Variants in TMEFF2 observed in about 807,000 individuals in gnomAD.
TMEFF2 encodes the protein transmembrane protein with EGF like and two follistatin like domains 2.
A neutral mutation model predicts 53.8 loss-of-function variants in TMEFF2; 28 were observed. The ratio of observed to expected loss-of-function variants is 0.52; its 90% CI spans 0.39 to 0.71. The LOEUF (loss-of-function observed/expected upper bound fraction) is 0.71. Among genes scored for constraint, TMEFF2 ranks in the 30% least tolerant of loss-of-function variants. The pLI is 0.00. For synonymous variants in TMEFF2, 162 were observed against 166.3 expected, an observed-to-expected ratio of 0.97 and a Z score of 0.20; for missense variants, 353 against 455.2, an observed-to-expected ratio of 0.78 and a Z score of 2.04.
At chr2:191,975,517 T>C (rs1240498629) in intron 7 of TMEFF2, among the ~76,000 whole-genome samples, 2 of 151,732 alleles carry the variant, frequency 1.3e-5, no homozygotes, top group Non-Finnish European at 2.9e-5. Flanking sequence ...TGTATTTCCA[T>C]GTCCCAGGAG....
chr2:192,069,426 T>A (rs1688236116), intron 4 of TMEFF2, among the ~76,000 whole-genome samples: 1 of 151,160 alleles, frequency 6.6e-6, no homozygotes, highest in Non-Finnish European at 1.5e-5. Context: ...AGAAGAAAAA[T>A]GTATCCTCAA....
intron 5 of TMEFF2, among the ~76,000 whole-genome samples, chr2:192,047,877 T>TAC (rs1423940671): frequency 6.6e-6 from 1 of 152,182 alleles, no homozygotes; most frequent in Non-Finnish European, 1.5e-5. Context: ...AGTCAACACA[T>TAC]ACAATATATT....
chr2:191,953,883 ATTTTT>A (rs563154787), intron 8 of TMEFF2, 46 bp from the exon 9 acceptor site: 2,636 of 608,152 alleles, frequency 4.3e-3, no homozygotes, highest in Middle Eastern at 0.01. Flanking sequence ...TGCTGCATTC[ATTTTT>A]TTTTTTTTTT....
chr2:192,190,671 T>C (rs1691440836), intron 2 of TMEFF2, among the ~76,000 whole-genome samples: 1 of 152,146 alleles, frequency 6.6e-6, no homozygotes, highest in East Asian at 1.9e-4. Context: ...TCAGTTGTCT[T>C]ATTATGTTTC....
At chr2:192,134,433 G>A (rs1306623722) in intron 4 of TMEFF2, among the ~76,000 whole-genome samples, 1 of 152,148 alleles carries the variant, frequency 6.6e-6, no homozygotes, top group Non-Finnish European at 1.5e-5. Context: ...CCACACACCA[G>A]CAAAGGCAGG....
intron 4 of TMEFF2, among the ~76,000 whole-genome samples, chr2:192,158,286 G>A (rs1030390045): frequency 1.4e-4 from 22 of 151,974 alleles, no homozygotes; most frequent in Admixed American, 9.2e-4. Flanking sequence ...AAATTTAAAG[G>A]ACAGAACTTA....
At chr2:192,111,454 T>A (rs1689274253) in intron 4 of TMEFF2, among the ~76,000 whole-genome samples, 1 of 152,124 alleles carries the variant, frequency 6.6e-6, no homozygotes, top group South Asian at 2.1e-4. Flanking sequence ...TTGAGGGAGA[T>A]GATTTAGTGT....
At chr2:192,066,679 T>C (rs1688176066) in intron 4 of TMEFF2, among the ~76,000 whole-genome samples, 2 of 151,870 alleles carry the variant, frequency 1.3e-5, no homozygotes, top group African/African-American at 4.8e-5. Flanking sequence ...GAGTTACAAC[T>C]GAAGATACTA....
At chr2:192,005,340 C>T (rs1000779542) in intron 5 of TMEFF2, among the ~76,000 whole-genome samples, 1 of 152,162 alleles carries the variant, frequency 6.6e-6, no homozygotes, top group South Asian at 2.1e-4. Flanking sequence ...CAAGGATGAT[C>T]TGCAATGAGT....
At chr2:192,184,543 G>A (rs1351111362) in intron 2 of TMEFF2, 60 bp from the exon 3 acceptor site, 23 of 1,583,896 alleles carry the variant, frequency 1.5e-5, no homozygotes, top group Middle Eastern at 1.7e-4. Flanking sequence ...CCTCTGACAC[G>A]ATGAACAGAA....
At chr2:192,128,351 GACAA>G (rs906381526) in intron 4 of TMEFF2, among the ~76,000 whole-genome samples, 17 of 152,122 alleles carry the variant, frequency 1.1e-4, no homozygotes, top group African/African-American at 3.4e-4. Context: ...TTAGACTATT[GACAA>G]ACAAAATATT....
At chr2:191,966,019 G>A (rs1202946679) in intron 7 of TMEFF2, among the ~76,000 whole-genome samples, 1 of 151,716 alleles carries the variant, frequency 6.6e-6, no homozygotes, top group Non-Finnish European at 1.5e-5. Flanking sequence ...CGTAGTCTCT[G>A]TACGTAGCAC....
chr2:192,054,187 T>A (rs936446873), intron 5 of TMEFF2, among the ~76,000 whole-genome samples: 1 of 151,426 alleles, frequency 6.6e-6, no homozygotes, highest in Non-Finnish European at 1.5e-5. Context: ...ATACAAGATA[T>A]CATAGCCAAG....
intron 7 of TMEFF2, among the ~76,000 whole-genome samples, chr2:191,978,548 C>A (rs1685783358): frequency 6.6e-6 from 1 of 151,686 alleles, no homozygotes. Context: ...TTTTTCTTCC[C>A]CATTGATACC....
At chr2:192,144,422 C>T (rs548021689) in intron 4 of TMEFF2, among the ~76,000 whole-genome samples, 3 of 152,066 alleles carry the variant, frequency 2.0e-5, no homozygotes, top group Non-Finnish European at 1.5e-5. Context: ...TCATCCCATA[C>T]CCATCTCTAA....
intron 5 of TMEFF2, among the ~76,000 whole-genome samples, chr2:192,049,807 C>G (rs1687719561): frequency 6.6e-6 from 1 of 152,148 alleles, no homozygotes. Context: ...TGAGACCATC[C>G]TGGCTAACAC....
chr2:192,110,989 T>C (rs1689262540), intron 4 of TMEFF2, among the ~76,000 whole-genome samples: 1 of 152,180 alleles, frequency 6.6e-6, no homozygotes, highest in Non-Finnish European at 1.5e-5. Context: ...GACATGCCTT[T>C]TGCCATGATT....
At chr2:191,965,990 GAAA>G (rs11347194) in intron 7 of TMEFF2, among the ~76,000 whole-genome samples, 3,459 of 141,308 alleles carry the variant, frequency 0.024, 148 homozygotes, top group African/African-American at 0.088. Flanking sequence ...TTTGATTTAA[GAAA>G]AAAAAAAAAA....
chr2:192,124,022 A>G (rs1007817013), intron 4 of TMEFF2, among the ~76,000 whole-genome samples: 5 of 152,224 alleles, frequency 3.3e-5, no homozygotes, highest in African/African-American at 1.2e-4. Flanking sequence ...GTGCAAAACT[A>G]CTGCAAATTG....
Sources: gnomAD v4.1 joint callset for allele counts (sites outside exome capture counted in the v4.1 genomes callset) on GRCh38, gnomAD v4.1.1 for gene constraint, MANE v1.5 for transcripts, NCBI Gene and HGNC (gene_info 2026-07-23, HGNC 2026-07-21) for gene names.